The following SYNJ2 variants were observed in gnomAD, a reference collection of about 807,000 sequenced individuals.
SYNJ2 encodes polyphosphatidylinositol phosphatase SYNJ2.
SYNJ2 carries 116 observed loss-of-function variants against 141.3 expected under a neutral mutation model. The ratio of observed to expected loss-of-function variants is 0.82; its 90% confidence interval spans 0.71 to 0.96. The LOEUF (loss-of-function observed/expected upper bound fraction) is 0.96. Ranked by LOEUF, SYNJ2 falls within the 40% of genes least tolerant of loss-of-function variation. The probability of loss-of-function intolerance (pLI) is 0.00; values close to 1 mark genes in which losing one functional copy is unlikely to be tolerated. For missense variants in SYNJ2, 1,873 were observed against 1,934.8 expected, an observed-to-expected ratio of 0.97 and a Z score of 0.60; for synonymous variants, 745 against 777.7, an observed-to-expected ratio of 0.96 and a Z score of 0.70.
chr6:158,087,086 G>T, intron 23 of SYNJ2, 97 bp downstream of exon 23: 1 of 1,429,078 alleles, frequency 7.0e-7, no homozygotes, highest in Non-Finnish European at 9.5e-7. Context: ...ACTTCTCCCC[G>T]GCCTTCCGGT....
intron 4 of SYNJ2, among the ~76,000 whole-genome samples, 157 bp downstream of exon 4, chr6:158,033,837 G>T (rs1229660180): frequency 6.6e-6 from 1 of 152,232 alleles, no homozygotes; most frequent in Non-Finnish European, 1.5e-5. Flanking sequence ...GTGTAATTGG[G>T]CTCCACATGA....
Position 158,081,327 on chromosome 6 carries a change from G to A in SYNJ2, c.2786G>A (p.Arg929Lys), listed in dbSNP as rs764712194. 1 of 1,614,134 alleles carries A rather than the reference G, an allele frequency of 6.2e-7. No homozygotes were observed. Among genetic ancestry groups the A allele is most frequent in the Non-Finnish European group, 8.5e-7 (1 of 1,180,012 alleles). The change falls in exon 19 of 27, where the codon AGG becomes AAG. Residue 929 changes from arginine (R) to lysine (K), a missense_variant and splice_region_variant. Physicochemically the swap from Arg to Lys is conservative, Grantham distance 26. Transcript: ENST00000355585. ...LGSYGTIVLV[R>K]INQGQMLVTF... ...AGTTATGGGACAATTGTTCTTGTCA[G>A]GTAACTGCTCCCCTGGCTGATGTGG...
intron 2 of SYNJ2, among the ~76,000 whole-genome samples, chr6:158,026,452 C>A (rs1228777179): frequency 1.3e-5 from 2 of 152,150 alleles, no homozygotes; most frequent in Middle Eastern, 3.2e-3. Flanking sequence ...GCCTGTACAG[C>A]TCCCCTGCCT....
At chr6:158,092,293 A>G (rs1783513771) in intron 25 of SYNJ2, among the ~76,000 whole-genome samples, 1 of 152,176 alleles carries the variant, frequency 6.6e-6, no homozygotes, top group Admixed American at 6.5e-5. Flanking sequence ...ACTGGTCCCC[A>G]TCCAAACTAT....
At chr6:158,014,875 A>G (rs1778391537) in intron 1 of SYNJ2, among the ~76,000 whole-genome samples, 1 of 152,210 alleles carries the variant, frequency 6.6e-6, no homozygotes, top group African/African-American at 2.4e-5. Context: ...TGAGGGTAGG[A>G]AGAGCTTCAG....
chr6:158,027,395 T>C lies in SYNJ2; in HGVS notation c.215-1361T>C. 2 of 202,984 alleles carry C rather than the reference T, an allele frequency of 9.9e-6. No individual in the cohort carries two copies. The highest frequency in any genetic ancestry group is 1.7e-5 in the Non-Finnish European group (2 of 114,560). 12.6% of individuals were successfully genotyped at this position (202,984 alleles called of 1,614,324 possible). On this transcript the variant is annotated intron_variant, in intron 2 of 26. Coordinates refer to ENST00000355585, the MANE Select transcript of SYNJ2 (RefSeq NM_003898.4). This position sits in a 1 kb window ranked among gnomAD's most constrained non-coding sequence, Gnocchi z 4.6. ...GGCCGGTTTCTACCCGATGATCTCT[T>C]GGGCCCCGTCCCGAGAGTGAGGCAC...
chr6:158,062,254 G>T, intron 8 of SYNJ2, 90 bp downstream of exon 8: 1 of 1,549,568 alleles, frequency 6.5e-7, no homozygotes, highest in South Asian at 1.2e-5. Flanking sequence ...CCTTCTGCTG[G>T]GTGAGGCGGC....
At chr6:158,062,342 T>C (rs1441139051) in intron 8 of SYNJ2, 178 bp downstream of exon 8, 3 of 713,558 alleles carry the variant, frequency 4.2e-6, no homozygotes, top group Non-Finnish European at 5.2e-6. Context: ...CCCTTGTGGT[T>C]TCCTGGGTCA....
In SYNJ2 at chr6:158,081,119, G is replaced by A. The variant is rs1394748576; in HGVS notation, c.2578G>A (p.Ala860Thr). 1.9e-6 allele frequency: 3 copies of A among 1,613,912 alleles called. No homozygotes were observed. The highest frequency in any genetic ancestry group is 1.7e-6 in the Non-Finnish European group (2 of 1,180,014). Residue 860 changes from alanine (A) to threonine (T), a missense_variant, in exon 19 of 27, where the codon GCG (alanine) becomes ACG (threonine). Coordinates refer to ENST00000355585, the MANE Select transcript of SYNJ2 (RefSeq NM_003898.4). ...TTGTTCCTAACGCAGACCTGTGCTG[G>A]CGATCGTGGAGGTGGAAGTTCAGGA... ...LQASDHRPVL[A>T]IVEVEVQEVD...
rs1345210545 is a variant in SYNJ2, at chr6:158,097,449, T to G, written c.*1085T>G. 1 of 152,226 alleles carries G rather than the reference T, an allele frequency of 6.6e-6. No homozygotes were observed. Among genetic ancestry groups the G allele is most frequent in the African/African-American group, 2.4e-5 (1 of 41,460 alleles). 9.4% of individuals were successfully genotyped at this position (152,226 alleles called of 1,614,324 possible). A position where few individuals can be genotyped will look rare whatever the true frequency, so the allele number is the denominator to read the frequency against. On this transcript the variant is annotated 3_prime_UTR_variant, in exon 27 of 27. Transcript: ENST00000355585. ...TCAATAACTGAAAAAGACATTACCA[T>G]AGTGCTTTACATTTTTAAAGTAATG...
chr6:158,028,827 A>C lies in SYNJ2; in HGVS notation c.286A>C (p.Ile96Leu), dbSNP rs1779201877. 6.2e-7 allele frequency: 1 copy of C among 1,614,044 alleles called. No homozygotes were observed. Among genetic ancestry groups the C allele is most frequent in the Admixed American group, 1.7e-5 (1 of 60,004 alleles). Reference sequence around the variant, plus strand: ...TGTGGGCAGAATTCCAGATGCTGAAATCTACAAAATCACTGCCACTGACTT... The same window carrying C: ...TGTGGGCAGAATTCCAGATGCTGAACTCTACAAAATCACTGCCACTGACTT... ...TSVGRIPDAEIYKITATDFYP... is the reference protein window; with the variant it reads ...TSVGRIPDAELYKITATDFYP... The change falls in exon 3 of 27, where the codon ATC becomes CTC. Residue 96 changes from isoleucine to leucine, a missense_variant. By Grantham distance (5) the Ile-to-Leu change is conservative. Transcript: ENST00000355585.
chr6:157,991,671 C>T lies in SYNJ2; in HGVS notation c.127+9583C>T, dbSNP rs529366855. 2.0e-4 allele frequency among the ~76,000 whole-genome samples: 30 copies of T among 152,254 alleles called. No individual in the cohort carries two copies. In the South Asian group the frequency reaches 5.6e-3, roughly 28 times the overall value. ...ACTGTCACCATCGCTACTTCACACA[C>T]CTAAAGTTATAAACCACTCAGAAAT... On this transcript the variant is annotated intron_variant, in intron 1 of 26. Coordinates refer to ENST00000355585, the MANE Select transcript of SYNJ2 (RefSeq NM_003898.4).
intron 1 of SYNJ2, among the ~76,000 whole-genome samples, chr6:157,992,255 C>T (rs896973037): frequency 3.3e-5 from 5 of 152,066 alleles, no homozygotes; most frequent in African/African-American, 1.2e-4. Context: ...ACCATCCCCA[C>T]CTCCTCCCTA....
chr6:158,059,257 G>A lies in SYNJ2; in HGVS notation c.858G>A (p.Arg286=). 2 of 1,548,416 alleles carry A rather than the reference G, an allele frequency of 1.3e-6. No individual in the cohort carries two copies. The highest frequency in any genetic ancestry group is 1.7e-6 in the Non-Finnish European group (2 of 1,146,274). Residue 286 remains arginine (R), a splice_region_variant and synonymous_variant, in exon 7 of 27, where the codon AGG becomes AGA. Transcript: ENST00000355585. ...GLEANAPAFD[R]HMVLLKEQYG... The stretch of plus-strand genomic sequence containing the variant: ...CACGCCCACCCCGCTGCCTTTGCAG[G>A]CACATGGTGCTTCTGAAGGAGCAGT...
chr6:158,096,602 C>G lies in SYNJ2; in HGVS notation c.*238C>G, dbSNP rs1783814059. 2 of 404,626 alleles carry G rather than the reference C, an allele frequency of 4.9e-6. No homozygotes were observed. Among genetic ancestry groups the G allele is most frequent in the Non-Finnish European group, 4.3e-6 (1 of 230,514 alleles). The allele number at this position is 404,626 out of a possible 1,614,324, so 25.1% of individuals were successfully genotyped here. A position where few individuals can be genotyped will look rare whatever the true frequency, so the allele number is the denominator to read the frequency against. On this transcript the variant is annotated 3_prime_UTR_variant, in exon 27 of 27. Coordinates refer to ENST00000355585, the MANE Select transcript of SYNJ2 (RefSeq NM_003898.4). ...AGTTTGCTCTTCAAGGAATGGGAAC[C>G]TTCCTGTTAAATTCGGTGTATGGAT... is the stretch of plus-strand genomic sequence containing the variant.
chr6:158,045,021 T>C (rs1387712069), intron 5 of SYNJ2, among the ~76,000 whole-genome samples: 1 of 151,778 alleles, frequency 6.6e-6, no homozygotes, highest in Non-Finnish European at 1.5e-5. Flanking sequence ...GGAATGGTCA[T>C]GATGGATTCT....
intron 1 of SYNJ2, among the ~76,000 whole-genome samples, chr6:158,003,549 T>C (rs2128321215): frequency 6.6e-6 from 1 of 152,346 alleles, no homozygotes; most frequent in Admixed American, 6.5e-5. Context: ...TGTCCAAGAA[T>C]GTGGCCACAA....
chr6:158,008,304 T>C (rs73792877), intron 1 of SYNJ2, among the ~76,000 whole-genome samples: 2,762 of 152,338 alleles, frequency 0.018, 81 homozygotes, highest in African/African-American at 0.063. Flanking sequence ...GCTCTTATCT[T>C]TTCCAGAGTC....
rs754253584 is a variant in SYNJ2 at position 158,095,691 on chromosome 6, A to AG, written c.3820dup (p.Ala1274GlyfsTer90). ...ATCGGGCCCCCGGAGACAAGCGTTG[A>AG]GGCCCCTCCTGTCGTGACAGCCCCT... On this transcript the variant is annotated frameshift_variant, in exon 27 of 27. Transcript: ENST00000355585. LOFTEE classifies it low-confidence loss of function (END_TRUNC). The AG allele has an allele frequency of 6.2e-7, 1 of 1,614,082 alleles. No individual in the cohort carries two copies. Among genetic ancestry groups the AG allele is most frequent in the South Asian group, 1.1e-5 (1 of 91,060 alleles).
Sources: gnomAD v4.1 joint callset for allele counts (sites outside exome capture counted in the v4.1 genomes callset) on GRCh38, gnomAD v4.1.1 for gene constraint, Gnocchi (gnomAD v3.1) non-coding constraint, MANE v1.5 for transcripts, NCBI Gene and HGNC (gene_info 2026-07-23, HGNC 2026-07-21) for gene names.